The following CNTN4 variants were observed in gnomAD, a reference collection of about 807,000 sequenced individuals.
The protein encoded by CNTN4 is contactin 4.
CNTN4 carries 77 observed loss-of-function variants against 122.5 expected under a neutral mutation model. The observed-to-expected ratio is 0.63, with a 90% CI of 0.52 to 0.76. CNTN4 has a LOEUF of 0.76. Ranked by LOEUF, CNTN4 falls within the 30% of genes least tolerant of loss-of-function variation. The pLI, the probability that CNTN4 is intolerant of heterozygous loss-of-function variation, is 0.00. For synonymous variants in CNTN4, 512 were observed against 447.0 expected (o/e 1.15, Z -1.83); for missense variants, 1,256 against 1,259.1 (o/e 1.00, Z 0.04).
At chr3:2,169,939 A>G (rs1017282015) in intron 2 of CNTN4, among the ~76,000 whole-genome samples, 4 of 152,232 alleles carry the variant, frequency 2.6e-5, no homozygotes, top group East Asian at 1.9e-4. Context: ...AATTTTTACA[A>G]TTAAAAGCTT....
chr3:2,773,147 A>G (rs1005211562), intron 6 of CNTN4, among the ~76,000 whole-genome samples: 2 of 152,036 alleles, frequency 1.3e-5, no homozygotes, highest in Non-Finnish European at 2.9e-5. Flanking sequence ...TGCAGAGTAA[A>G]TGGGAAGTCA....
chr3:2,601,023 T>G (rs1220815508), intron 4 of CNTN4, among the ~76,000 whole-genome samples: 1 of 152,132 alleles, frequency 6.6e-6, no homozygotes, highest in Non-Finnish European at 1.5e-5. Flanking sequence ...CTGTTCATAT[T>G]CATTGCCCAC....
chr3:2,139,822 C>A (rs1347340585), intron 2 of CNTN4, among the ~76,000 whole-genome samples: 1 of 152,242 alleles, frequency 6.6e-6, no homozygotes, highest in African/African-American at 2.4e-5. Context: ...TTGTCTAAAT[C>A]AGTCAGCAAC....
At chr3:2,751,126 C>T (rs1271048420) in intron 6 of CNTN4, among the ~76,000 whole-genome samples, 1 of 135,918 alleles carries the variant, frequency 7.4e-6, no homozygotes, top group African/African-American at 2.8e-5. Flanking sequence ...ATGGTGAAAC[C>T]CCATCTCTAC....
At chr3:2,192,060 C>T (rs2037594487) in intron 2 of CNTN4, among the ~76,000 whole-genome samples, 1 of 151,854 alleles carries the variant, frequency 6.6e-6, no homozygotes, top group African/African-American at 2.4e-5. Flanking sequence ...GACATGAACT[C>T]ATCCTTTTTT....
intron 10 of CNTN4, 135 bp downstream of exon 10, chr3:2,887,359 C>A: frequency 9.9e-5 from 75 of 760,284 alleles, no homozygotes; most frequent in East Asian, 3.0e-4. Flanking sequence ...TGGTTTGCTC[C>A]ATAATCAGCC....
At chr3:2,782,465 CTGTGTGTGTGTGTGTGTGTGTG>C (rs137927481) in intron 6 of CNTN4, among the ~76,000 whole-genome samples, 5 of 133,294 alleles carry the variant, frequency 3.8e-5, no homozygotes, top group African/African-American at 1.1e-4. Context: ...CCTTCTTATT[CTGTGTGTGTGTGTGTGTGTGTG>C]TGTGTGTGTG....
At chr3:2,787,768 C>G (rs2091883965) in intron 6 of CNTN4, among the ~76,000 whole-genome samples, 1 of 149,958 alleles carries the variant, frequency 6.7e-6, no homozygotes, top group Non-Finnish European at 1.5e-5. Flanking sequence ...TCACACAGTC[C>G]TGCCATATTG....
intron 4 of CNTN4, among the ~76,000 whole-genome samples, chr3:2,618,358 A>T (rs2081859162): frequency 1.3e-5 from 2 of 152,166 alleles, no homozygotes; most frequent in African/African-American, 4.8e-5. Flanking sequence ...ATATATCATT[A>T]TACATTTTGT....
intron 2 of CNTN4, among the ~76,000 whole-genome samples, chr3:2,126,593 G>A (rs942146627): frequency 1.3e-5 from 2 of 152,184 alleles, no homozygotes; most frequent in East Asian, 3.8e-4. Flanking sequence ...GCTTGATGGT[G>A]TTAGCTCCTT....
intron 2 of CNTN4, among the ~76,000 whole-genome samples, chr3:2,176,059 G>A (rs2036734730): frequency 1.3e-5 from 2 of 152,154 alleles, no homozygotes; most frequent in Non-Finnish European, 2.9e-5. Flanking sequence ...TGGCAGAAAT[G>A]ATTCTTTTTA....
At chr3:2,989,605 G>A (rs1304343591) in intron 14 of CNTN4, among the ~76,000 whole-genome samples, 1 of 152,112 alleles carries the variant, frequency 6.6e-6, no homozygotes, top group East Asian at 1.9e-4. Flanking sequence ...ACTTGACCAT[G>A]CAGATAGAAA....
chr3:2,170,040 G>A (rs2036405529), intron 2 of CNTN4, among the ~76,000 whole-genome samples: 1 of 152,084 alleles, frequency 6.6e-6, no homozygotes, highest in Non-Finnish European at 1.5e-5. Context: ...AAGTAAGGGA[G>A]GCCGGGCGCG....
chr3:2,820,223 A>G (rs968505034), intron 7 of CNTN4, among the ~76,000 whole-genome samples: 2 of 152,320 alleles, frequency 1.3e-5, no homozygotes, highest in Admixed American at 6.5e-5. Flanking sequence ...TGGGACTCCC[A>G]TAACTCCCTC....
chr3:2,245,206 T>C (rs1005620714), intron 2 of CNTN4, among the ~76,000 whole-genome samples: 3 of 147,866 alleles, frequency 2.0e-5, no homozygotes, highest in East Asian at 1.9e-4. Flanking sequence ...TTTTGGGAGA[T>C]ACTTAGTAGA....
At chr3:2,164,066 G>T (rs540936958) in intron 2 of CNTN4, among the ~76,000 whole-genome samples, 1 of 152,140 alleles carries the variant, frequency 6.6e-6, no homozygotes, top group Non-Finnish European at 1.5e-5. Flanking sequence ...TACATGTTGG[G>T]TACAATGTAC....
intron 3 of CNTN4, among the ~76,000 whole-genome samples, chr3:2,439,750 G>C (rs2048370067): frequency 6.6e-6 from 1 of 152,030 alleles, no homozygotes; most frequent in East Asian, 1.9e-4. Flanking sequence ...GAAGAGAAGA[G>C]CAATAAAACA....
At chr3:2,522,840 C>G (rs1454603086) in intron 3 of CNTN4, among the ~76,000 whole-genome samples, 2 of 151,944 alleles carry the variant, frequency 1.3e-5, no homozygotes, top group African/African-American at 4.8e-5. Flanking sequence ...GGAATTCTTT[C>G]TTGAGTGTCT....
chr3:2,933,642 T>C (rs2094544061), intron 13 of CNTN4, among the ~76,000 whole-genome samples: 1 of 152,226 alleles, frequency 6.6e-6, no homozygotes. Context: ...TGACCTCTCT[T>C]CTGCCTCCTT....
Sources: gnomAD v4.1 joint callset for allele counts (sites outside exome capture counted in the v4.1 genomes callset) on GRCh38, gnomAD v4.1.1 for gene constraint, MANE v1.5 for transcripts, NCBI Gene and HGNC (gene_info 2026-07-23, HGNC 2026-07-21) for gene names.